The following LYPD8 variants were observed in gnomAD, a reference collection of about 807,000 sequenced individuals.
LYPD8 encodes the protein ly6/PLAUR domain-containing protein 8.
A neutral mutation model predicts 1.7 loss-of-function variants in LYPD8; 8 were observed. The observed-to-expected ratio is 4.58, with a 90% confidence interval of 2.69 to 8.27. The LOEUF is 8.27. Ranked by LOEUF, LYPD8 falls within the 30% of genes most tolerant of loss-of-function variation. The probability of loss-of-function intolerance (pLI) is 0.00; values close to 1 mark genes in which losing one functional copy is unlikely to be tolerated. For missense variants in LYPD8, 112 were observed against 102.3 expected (o/e 1.09, Z -0.41); for synonymous variants, 50 against 43.6 (o/e 1.15, Z -0.58).
chr1:248,753,827 C>T (rs928018438), intron 2 of LYPD8, among the ~76,000 whole-genome samples: 2 of 145,794 alleles, frequency 1.4e-5, no homozygotes, highest in African/African-American at 2.6e-5. Flanking sequence ...CACCACATAA[C>T]ATCACATGTC....
At chr1:248,740,829 T>C (rs1386215514) in intron 6 of LYPD8, among the ~76,000 whole-genome samples, 2 of 151,890 alleles carry the variant, frequency 1.3e-5, no homozygotes, top group Admixed American at 1.3e-4. Context: ...AGGGCTGCAA[T>C]TTGAGTTCAA....
intron 2 of LYPD8, among the ~76,000 whole-genome samples, chr1:248,753,292 C>CAA (rs1662859083): frequency 1.2e-5 from 1 of 85,258 alleles, no homozygotes; most frequent in Non-Finnish European, 2.3e-5. Flanking sequence ...CACACACACA[C>CAA]CACACACACC....
At chr1:248,753,009 TCATAC>T (rs1662843765) in intron 2 of LYPD8, among the ~76,000 whole-genome samples, 1 of 27,480 alleles carries the variant, frequency 3.6e-5, no homozygotes, top group Admixed American at 4.7e-4. Flanking sequence ...ACACACCACA[TCATAC>T]ACACACCACA....
At chr1:248,754,310 A>G (rs1662889501) in intron 2 of LYPD8, among the ~76,000 whole-genome samples, 1 of 150,630 alleles carries the variant, frequency 6.6e-6, no homozygotes, top group Non-Finnish European at 1.5e-5. Context: ...CACACATACT[A>G]CACACATGCA....
chr1:248,753,259 C>T lies in LYPD8; in HGVS notation c.-50+1980G>A, dbSNP rs1386008814. On this transcript the variant is annotated intron_variant, in intron 2 of 6. Coordinates refer to ENST00000590317, the MANE Select transcript of LYPD8 (RefSeq NM_001085474.2). ...ACCACACACCCCACACAACACACACCGCATCACACACACACCACACAACAC... is the reference window on the plus strand; with the variant it reads ...ACCACACACCCCACACAACACACACTGCATCACACACACACCACACAACAC... Among the ~76,000 whole-genome samples, 99 of 96,128 alleles carry T rather than the reference C, an allele frequency of 1.0e-3. 1 individual carries two copies. Among genetic ancestry groups the T allele is most frequent in the African/African-American group, 4.6e-3 (92 of 20,128 alleles). 63.1% of individuals were successfully genotyped at this position (96,128 alleles called of 152,430 possible). A position where few individuals can be genotyped will look rare whatever the true frequency, so the allele number is the denominator to read the frequency against.
At chr1:248,754,278 A>G (rs1662889267) in intron 2 of LYPD8, among the ~76,000 whole-genome samples, 2 of 151,166 alleles carry the variant, frequency 1.3e-5, no homozygotes, top group South Asian at 4.2e-4. Flanking sequence ...CACACACACA[A>G]CACACCATGC....
intron 4 of LYPD8, among the ~76,000 whole-genome samples, chr1:248,749,153 A>G (rs1662756488): frequency 6.6e-6 from 1 of 152,202 alleles, no homozygotes; most frequent in Non-Finnish European, 1.5e-5. Flanking sequence ...TGGGACAGCT[A>G]CAGGACAAAT....
chr1:248,744,023 A>G (rs1395778540), intron 6 of LYPD8, among the ~76,000 whole-genome samples: 1 of 152,268 alleles, frequency 6.6e-6, no homozygotes, highest in Non-Finnish European at 1.5e-5. Flanking sequence ...TTTCTAAGAC[A>G]GTGTATACTG....
At chr1:248,741,045 C>T (rs1269523456) in intron 6 of LYPD8, among the ~76,000 whole-genome samples, 1 of 152,266 alleles carries the variant, frequency 6.6e-6, no homozygotes, top group Admixed American at 6.5e-5. Flanking sequence ...GCCAGGAGTT[C>T]GAGGCAGCAG....
intron 6 of LYPD8, among the ~76,000 whole-genome samples, chr1:248,743,706 G>A (rs141780434): frequency 4.8e-4 from 73 of 152,242 alleles, no homozygotes; most frequent in African/African-American, 1.6e-3. Flanking sequence ...CTGTCTTACC[G>A]GGTCCTAGCC....
chr1:248,753,176 TC>T (rs1662852307), intron 2 of LYPD8, among the ~76,000 whole-genome samples: 1 of 26,284 alleles, frequency 3.8e-5, no homozygotes, highest in Non-Finnish European at 7.2e-5. Context: ...ACACACCACA[TC>T]ACACACACAC....
intron 2 of LYPD8, among the ~76,000 whole-genome samples, chr1:248,753,345 C>T (rs1337599873): frequency 1.6e-5 from 2 of 128,166 alleles, no homozygotes; most frequent in Non-Finnish European, 1.7e-5. Flanking sequence ...ACACCACACA[C>T]ACCACACAAC....
chr1:248,740,774 G>A (rs113056790), intron 6 of LYPD8, among the ~76,000 whole-genome samples: 51 of 147,034 alleles, frequency 3.5e-4, no homozygotes, highest in African/African-American at 1.3e-3. Flanking sequence ...ATGAAGCAGG[G>A]CTGCAATTTG....
chr1:248,753,329 T>TCA (rs1482072316), intron 2 of LYPD8, among the ~76,000 whole-genome samples: 1 of 31,040 alleles, frequency 3.2e-5, no homozygotes, highest in African/African-American at 1.3e-4. Flanking sequence ...ACACAACACA[T>TCA]CACACACACC....
intron 3 of LYPD8, 118 bp from the exon 4 acceptor site, chr1:248,750,761 C>T: frequency 2.5e-6 from 1 of 397,886 alleles, no homozygotes; most frequent in Admixed American, 4.4e-5. Flanking sequence ...GATGGCATCC[C>T]TGCCCTCTGG....
Position 248,750,547 on chromosome 1 carries a change from C to A in LYPD8, c.149G>T (p.Ser50Ile). ...ACCTAGAGAGGAGCTGGCTGAGGAGCTGATACAGCTGGTGTTGGCATGTGA... is the reference window on the plus strand; with the variant it reads ...ACCTAGAGAGGAGCTGGCTGAGGAGATGATACAGCTGGTGTTGGCATGTGA... ...CPSHANTSCI[S>I]SSASSSLETP... The change falls in exon 4 of 7, where the codon AGC becomes ATC. Residue 50 changes from serine (S) to isoleucine (I), a missense_variant. Transcript: ENST00000590317. 2.5e-6 allele frequency: 1 copy of A among 398,664 alleles called. No homozygotes were observed. Among genetic ancestry groups the A allele is most frequent in the Non-Finnish European group, 4.4e-6 (1 of 226,104 alleles). The allele number at this position is 398,664 out of a possible 1,614,324, so 24.7% of individuals were successfully genotyped here.
chr1:248,752,917 AACACACCACATCACAC>A lies in LYPD8; in HGVS notation c.-49-1803_-49-1788del, dbSNP rs1405938980. ...ACACATCACACACACCCCACACACC[AACACACCACATCACAC>A]ACACACCACATCACACACACACCAA... On this transcript the variant is annotated intron_variant, in intron 2 of 6. Coordinates refer to ENST00000590317, the MANE Select transcript of LYPD8 (RefSeq NM_001085474.2). Among the ~76,000 whole-genome samples the A allele has an allele frequency of 6.2e-4, 44 of 70,884 alleles. 1 individual carries two copies. Among genetic ancestry groups the A allele is most frequent in the Admixed American group, 2.1e-3 (16 of 7,588 alleles). 46.5% of individuals were successfully genotyped at this position (70,884 alleles called of 152,430 possible).
At chr1:248,753,854 A>G (rs1662880300) in intron 2 of LYPD8, among the ~76,000 whole-genome samples, 1 of 145,230 alleles carries the variant, frequency 6.9e-6, no homozygotes. Flanking sequence ...ACATCACATG[A>G]CACATACACC....
At chr1:248,741,024 G>A (rs1376813660) in intron 6 of LYPD8, among the ~76,000 whole-genome samples, 1 of 152,228 alleles carries the variant, frequency 6.6e-6, no homozygotes, top group Non-Finnish European at 1.5e-5. Flanking sequence ...TGAGATGGGA[G>A]ATTGGCTTGA....
Sources: allele counts gnomAD v4.1 joint callset (sites outside exome capture counted in the v4.1 genomes callset), GRCh38; gene constraint gnomAD v4.1.1; transcripts MANE v1.5; gene names NCBI Gene and HGNC (gene_info 2026-07-23, HGNC 2026-07-21).